SQOR: variants seen among roughly 807,000 people sequenced by gnomAD.
SQOR encodes sulfide:quinone oxidoreductase, mitochondrial.
A neutral mutation model predicts 48.6 loss-of-function variants in SQOR; 39 were observed. That is an observed-to-expected ratio of 0.80 (90% CI 0.62 to 1.05). The LOEUF (loss-of-function observed/expected upper bound fraction) is 1.05. Ranked by LOEUF, SQOR falls within the 50% of genes least tolerant of loss-of-function variation. The pLI is 0.00. For missense variants in SQOR, 561 were observed against 559.9 expected, an observed-to-expected ratio of 1.00 and a Z score of -0.02; for synonymous variants, 220 against 206.2, an observed-to-expected ratio of 1.07 and a Z score of -0.57.
intron 1 of SQOR, among the ~76,000 whole-genome samples, chr15:45,637,905 C>G (rs1166252748): frequency 1.3e-5 from 2 of 152,236 alleles, no homozygotes; most frequent in African/African-American, 4.8e-5. Context: ...TACTATATAA[C>G]TCCTCTTTGA....
At chr15:45,655,477 T>C (rs1399010201) in intron 1 of SQOR, among the ~76,000 whole-genome samples, 1 of 152,196 alleles carries the variant, frequency 6.6e-6, no homozygotes, top group Non-Finnish European at 1.5e-5. Context: ...TCTTACTTGG[T>C]GATTTCTTCT....
intron 1 of SQOR, among the ~76,000 whole-genome samples, chr15:45,636,241 T>C (rs1895003130): frequency 6.6e-6 from 1 of 152,090 alleles, no homozygotes; most frequent in South Asian, 2.1e-4. Context: ...AATATATATG[T>C]CTTTAAAAAA....
chr15:45,650,299 C>T (rs967123932), intron 1 of SQOR, among the ~76,000 whole-genome samples: 1 of 152,200 alleles, frequency 6.6e-6, no homozygotes, highest in Non-Finnish European at 1.5e-5. Context: ...CTTCAAGAAT[C>T]ACCCTGTGGA....
intron 1 of SQOR, among the ~76,000 whole-genome samples, chr15:45,650,996 C>T (rs1311653708): frequency 6.6e-6 from 1 of 152,230 alleles, no homozygotes; most frequent in Non-Finnish European, 1.5e-5. Context: ...GCCCCCGGGT[C>T]CCGCACCGCG....
At chr15:45,661,256 TGGGTGATTG>T (rs1889712183) in intron 2 of SQOR, among the ~76,000 whole-genome samples, 1 of 121,278 alleles carries the variant, frequency 8.2e-6, no homozygotes, top group Non-Finnish European at 1.6e-5. Flanking sequence ...CACTCCAGCC[TGGGTGATTG>T]GGGTGATTGG....
intron 9 of SQOR, 122 bp from the exon 10 acceptor site, chr15:45,690,851 C>A (rs75106425): frequency 1.2e-6 from 1 of 835,376 alleles, no homozygotes; most frequent in Non-Finnish European, 2.1e-6. Flanking sequence ...ACTAGACAAT[C>A]TTGCTTTACG....
intron 4 of SQOR, among the ~76,000 whole-genome samples, chr15:45,672,871 A>C (rs1424972992): frequency 6.6e-6 from 1 of 152,242 alleles, no homozygotes; most frequent in Non-Finnish European, 1.5e-5. Flanking sequence ...CAGATGGTGA[A>C]CGTTAGGATT....
At chr15:45,660,883 C>T (rs1889705075) in intron 2 of SQOR, among the ~76,000 whole-genome samples, 1 of 152,066 alleles carries the variant, frequency 6.6e-6, no homozygotes, top group Non-Finnish European at 1.5e-5. Context: ...ATATTGAGAG[C>T]TCTTGGTCCC....
At chr15:45,688,221 C>A in intron 7 of SQOR, 116 bp from the exon 8 acceptor site, 1 of 683,862 alleles carries the variant, frequency 1.5e-6, no homozygotes, top group South Asian at 1.9e-5. Context: ...GTTCTAGTCA[C>A]AGTCTTGAGG....
At chr15:45,635,420 C>A (rs1166764862) in intron 1 of SQOR, among the ~76,000 whole-genome samples, 5 of 152,282 alleles carry the variant, frequency 3.3e-5, no homozygotes, top group African/African-American at 1.2e-4. Flanking sequence ...GGTGTGTGGA[C>A]GTTTCTGGCG....
At chr15:45,652,384 G>C (rs1889509361) in intron 1 of SQOR, among the ~76,000 whole-genome samples, 1 of 152,070 alleles carries the variant, frequency 6.6e-6, no homozygotes, top group South Asian at 2.1e-4. Context: ...GCCCAGGCTG[G>C]AGTGCAGGGG....
At chr15:45,648,090 T>C (rs1354756362) in intron 1 of SQOR, among the ~76,000 whole-genome samples, 1 of 152,208 alleles carries the variant, frequency 6.6e-6, no homozygotes, top group Non-Finnish European at 1.5e-5. Flanking sequence ...TTTATAAGGT[T>C]ATGAGGAGTC....
chr15:45,662,674 C>T lies in SQOR; in HGVS notation c.405+549C>T, dbSNP rs569934058. Among the ~76,000 whole-genome samples the T allele has an allele frequency of 5.3e-5, 8 of 152,294 alleles. No homozygotes were observed. The South Asian group carries it at 1.4e-3, about 28-fold the overall frequency. On this transcript the variant is annotated intron_variant, in intron 3 of 9. Coordinates refer to ENST00000260324, the MANE Select transcript of SQOR (RefSeq NM_021199.4). ...TCAGCACCTTTTAGAAGTCTCCCAC[C>T]CTCACCACTCAGGGGTCAAAGCTTT...
intron 1 of SQOR, among the ~76,000 whole-genome samples, chr15:45,648,775 C>G (rs549712262): frequency 6.6e-6 from 1 of 152,126 alleles, no homozygotes; most frequent in Non-Finnish European, 1.5e-5. Context: ...CCAGGTCTGG[C>G]GGGAAGAACA....
intron 1 of SQOR, among the ~76,000 whole-genome samples, chr15:45,657,089 T>C (rs1471957493): frequency 1.5e-5 from 2 of 129,580 alleles, no homozygotes; most frequent in African/African-American, 5.7e-5. Flanking sequence ...ATTACCGGTG[T>C]GAACCACCAC....
intron 1 of SQOR, among the ~76,000 whole-genome samples, chr15:45,639,158 A>G (rs1219847276): frequency 6.6e-6 from 1 of 152,202 alleles, no homozygotes; most frequent in African/African-American, 2.4e-5. Flanking sequence ...CTCTTACCCA[A>G]CCTATGCAGA....
Position 45,688,385 on chromosome 15 carries a change from A to G in SQOR, c.1097A>G (p.Asn366Ser). 6.2e-7 allele frequency: 1 copy of G among 1,607,430 alleles called. No homozygotes were observed. Among genetic ancestry groups the G allele is most frequent in the Non-Finnish European group, 8.5e-7 (1 of 1,177,256 alleles). Residue 366 changes from asparagine (N) to serine (S), a missense_variant, in exon 8 of 10, where the codon AAT (asparagine) becomes AGT (serine). Coordinates refer to ENST00000260324, the MANE Select transcript of SQOR (RefSeq NM_021199.4). The stretch of plus-strand genomic sequence containing the variant: ...AGGACAATTTCTGTAATTATGAAGA[A>G]TCAAACACCAACAAAGAAGGTTTGT... ...LDRTISVIMK[N>S]QTPTKKYDGY...
At chr15:45,676,405 G>T (rs905873795) in intron 6 of SQOR, 95 bp downstream of exon 6, 20 of 1,250,934 alleles carry the variant, frequency 1.6e-5, no homozygotes, top group Middle Eastern at 2.4e-4. Context: ...TGCCATCATT[G>T]TGTGCTGGGG....
Position 45,635,461 on chromosome 15 carries a change from G to A in SQOR, c.-18+353G>A, listed in dbSNP as rs1894985870. Among the ~76,000 whole-genome samples, 2 of 152,200 alleles carry A rather than the reference G, an allele frequency of 1.3e-5. 1 individual carries two copies. Among genetic ancestry groups the A allele is most frequent in the South Asian group, 4.1e-4 (2 of 4,826 alleles). On this transcript the variant is annotated intron_variant, in intron 1 of 9. Transcript: ENST00000260324. Reference sequence around the variant, plus strand: ...CACCTGTTGACTGTCACTCGGCACCGTCCTGGAGCGGGAGTGGGTGCTCGG... The same window carrying A: ...CACCTGTTGACTGTCACTCGGCACCATCCTGGAGCGGGAGTGGGTGCTCGG...
Sources: allele counts gnomAD v4.1 joint callset (sites outside exome capture counted in the v4.1 genomes callset), GRCh38; gene constraint gnomAD v4.1.1; transcripts MANE v1.5; gene names NCBI Gene and HGNC (gene_info 2026-07-23, HGNC 2026-07-21).